The following AP3B1 variants were observed in gnomAD, a reference collection of about 807,000 sequenced individuals.
The protein encoded by AP3B1 is adaptor related protein complex 3 subunit beta 1.
AP3B1 carries 61 observed loss-of-function variants against 132.5 expected under a neutral mutation model. That is an observed-to-expected ratio of 0.46 (90% CI 0.37 to 0.57). The LOEUF is 0.57. AP3B1 is among the 20% of genes least tolerant of loss of function. AP3B1 has a pLI of 0.00. For missense variants in AP3B1, 1,120 were observed against 1,289.4 expected, an observed-to-expected ratio of 0.87 and a Z score of 2.01; for synonymous variants, 388 against 438.3, an observed-to-expected ratio of 0.89 and a Z score of 1.43.
At chr5:78,050,015 T>C (rs186405966) in intron 22 of AP3B1, among the ~76,000 whole-genome samples, 83 of 152,288 alleles carry the variant, frequency 5.5e-4, no homozygotes, top group African/African-American at 2.0e-3. Context: ...TCTTGTTTCC[T>C]ATTACTCTTG....
intron 5 of AP3B1, among the ~76,000 whole-genome samples, chr5:78,227,084 T>C (rs1179981894): frequency 2.0e-5 from 3 of 152,132 alleles, no homozygotes; most frequent in Admixed American, 6.5e-5. Flanking sequence ...AGATAGACTA[T>C]ATAAATGAGA....
At chr5:78,151,735 T>C (rs1753657147) in intron 14 of AP3B1, among the ~76,000 whole-genome samples, 1 of 152,138 alleles carries the variant, frequency 6.6e-6, no homozygotes, top group African/African-American at 2.4e-5. Context: ...TTTTTAAATG[T>C]TGTTGAATTC....
At chr5:78,178,637 C>A (rs916641649) in intron 8 of AP3B1, among the ~76,000 whole-genome samples, 1 of 152,050 alleles carries the variant, frequency 6.6e-6, no homozygotes, top group Admixed American at 6.6e-5. Context: ...ACAAAACAAA[C>A]AAAGGGTGAC....
intron 26 of AP3B1, among the ~76,000 whole-genome samples, chr5:78,011,887 T>C (rs1746639493): frequency 6.6e-6 from 1 of 152,240 alleles, no homozygotes; most frequent in Non-Finnish European, 1.5e-5. Context: ...TTATTAAAAG[T>C]CCTCTCAGAA....
chr5:78,161,873 C>T (rs1428209315), intron 13 of AP3B1, among the ~76,000 whole-genome samples: 3 of 151,808 alleles, frequency 2.0e-5, no homozygotes, highest in African/African-American at 7.3e-5. Flanking sequence ...AAGATATCTA[C>T]ATGTGGGAAA....
intron 8 of AP3B1, 48 bp downstream of exon 8, chr5:78,181,459 T>A: frequency 6.4e-7 from 1 of 1,569,802 alleles, no homozygotes; most frequent in Non-Finnish European, 8.7e-7. Context: ...TTTTAATTGC[T>A]GTTTTTTAAA....
chr5:78,006,072 G>A (rs907920589), intron 26 of AP3B1, among the ~76,000 whole-genome samples: 1 of 152,158 alleles, frequency 6.6e-6, no homozygotes, highest in African/African-American at 2.4e-5. Context: ...TCACTATAAT[G>A]ATGATAGCAG....
At position 78,294,659 on chromosome 5, in the gene AP3B1, A is replaced by T; in HGVS notation, c.-80T>A. 6.2e-7 allele frequency: 1 copy of T among 1,604,354 alleles called. No homozygotes were observed. Among genetic ancestry groups the T allele is most frequent in the Non-Finnish European group, 8.5e-7 (1 of 1,176,322 alleles). Reference sequence around the variant, plus strand: ...GTTCCAGTCCAGAGGGCACGGAACAAAACTAGTTCTCGTACGGAGGAGCGC... The same window carrying T: ...GTTCCAGTCCAGAGGGCACGGAACATAACTAGTTCTCGTACGGAGGAGCGC... On this transcript the variant is annotated 5_prime_UTR_variant, in exon 1 of 27. It adds an upstream start codon to the 5' untranslated region. Transcript: ENST00000255194.
intron 1 of AP3B1, among the ~76,000 whole-genome samples, chr5:78,274,376 G>C (rs1052159687): frequency 6.6e-6 from 1 of 150,720 alleles, no homozygotes; most frequent in South Asian, 2.1e-4. Context: ...GGAAAAAATA[G>C]AACAGAGCAT....
chr5:78,125,528 A>G (rs1472395311), intron 17 of AP3B1, among the ~76,000 whole-genome samples: 1 of 152,200 alleles, frequency 6.6e-6, no homozygotes, highest in African/African-American at 2.4e-5. Context: ...CAAGAAAGAT[A>G]ATACGGACAT....
chr5:78,091,935 T>A (rs1750534147), intron 21 of AP3B1, among the ~76,000 whole-genome samples: 1 of 152,188 alleles, frequency 6.6e-6, no homozygotes. Flanking sequence ...GAGCATTTAA[T>A]ATTGAAGACA....
intron 23 of AP3B1, among the ~76,000 whole-genome samples, chr5:78,037,559 A>G (rs1210043576): frequency 6.6e-6 from 1 of 152,156 alleles, no homozygotes; most frequent in Non-Finnish European, 1.5e-5. Context: ...TCCTTTGTGT[A>G]AAAATATAAC....
chr5:78,193,770 A>ATATTTTTTTTTTT lies in AP3B1; in HGVS notation c.787-12109_787-12108insAAAAAAAAAAATA. On this transcript the variant is annotated intron_variant, in intron 7 of 26. Coordinates refer to ENST00000255194, the MANE Select transcript of AP3B1 (RefSeq NM_003664.5). ...TATATATATATATATATATATATAT[A>ATATTTTTTTTTTT]TTTTTTTTTTAGACAGAGTCTCGCT... 2.8e-3 allele frequency among the ~76,000 whole-genome samples: 187 copies of ATATTTTTTTTTTT among 67,136 alleles called. 1 individual carries two copies. Among genetic ancestry groups the ATATTTTTTTTTTT allele is most frequent in the Non-Finnish European group, 4.7e-3 (147 of 31,076 alleles). The allele number at this position is 67,136 out of a possible 152,430, so 44.0% of individuals were successfully genotyped here. A position where few individuals can be genotyped will look rare whatever the true frequency, so the allele number is the denominator to read the frequency against.
chr5:78,004,544 C>T (rs890232572), intron 26 of AP3B1, among the ~76,000 whole-genome samples: 1 of 152,110 alleles, frequency 6.6e-6, no homozygotes, highest in African/African-American at 2.4e-5. Context: ...ACCAAACAAG[C>T]CATTTTTGGA....
intron 21 of AP3B1, among the ~76,000 whole-genome samples, chr5:78,097,831 T>C (rs1750939656): frequency 6.6e-6 from 1 of 152,224 alleles, no homozygotes; most frequent in African/African-American, 2.4e-5. Flanking sequence ...TTTTGTGGAA[T>C]AGAAAGCGGG....
chr5:78,265,747 T>G (rs1748295231), intron 2 of AP3B1, among the ~76,000 whole-genome samples: 1 of 152,194 alleles, frequency 6.6e-6, no homozygotes, highest in African/African-American at 2.4e-5. Flanking sequence ...TGGTTGAAAA[T>G]CTCACCTTAC....
chr5:78,168,836 T>G (rs985538838), intron 11 of AP3B1, among the ~76,000 whole-genome samples: 3 of 152,232 alleles, frequency 2.0e-5, no homozygotes, highest in Non-Finnish European at 4.4e-5. Flanking sequence ...TGTATTAAGT[T>G]GTCTCCTTTG....
At chr5:78,090,406 G>A (rs1281803046) in intron 21 of AP3B1, among the ~76,000 whole-genome samples, 3 of 152,202 alleles carry the variant, frequency 2.0e-5, no homozygotes, top group East Asian at 1.9e-4. Flanking sequence ...AGCTCTATGG[G>A]ATAATAGTTC....
chr5:78,237,469 C>T (rs956226924), intron 3 of AP3B1, among the ~76,000 whole-genome samples: 1 of 151,136 alleles, frequency 6.6e-6, no homozygotes, highest in African/African-American at 2.4e-5. Flanking sequence ...AGTTCCCCCC[C>T]AAAAAAAGCA....
Sources: gnomAD v4.1 joint callset for allele counts (sites outside exome capture counted in the v4.1 genomes callset) on GRCh38, gnomAD v4.1.1 for gene constraint, MANE v1.5 for transcripts, NCBI Gene and HGNC (gene_info 2026-07-23, HGNC 2026-07-21) for gene names.